NIPBL: variants seen among roughly 807,000 people sequenced by gnomAD.
NIPBL encodes nipped-B-like protein.
Under a neutral mutation model 321.8 loss-of-function variants are expected in NIPBL, and 19 were observed. The ratio of observed to expected loss-of-function variants is 0.06; its 90% CI spans 0.04 to 0.09. NIPBL has a LOEUF of 0.09. Among genes scored for constraint, NIPBL ranks in the 10% least tolerant of loss-of-function variants. NIPBL has a pLI of 1.00. For synonymous variants in NIPBL, 1,106 were observed against 1,114.1 expected (o/e 0.99, Z 0.14); for missense variants, 2,210 against 3,327.0 (o/e 0.66, Z 8.26).
At chr5:36,943,086 T>C (rs1039212023) in intron 1 of NIPBL, among the ~76,000 whole-genome samples, 8 of 152,166 alleles carry the variant, frequency 5.3e-5, no homozygotes, top group Admixed American at 3.3e-4. Flanking sequence ...TATTGTTTTT[T>C]CTCAAATATT....
chr5:36,888,104 TAC>T (rs1746053842), intron 1 of NIPBL, among the ~76,000 whole-genome samples: 1 of 152,176 alleles, frequency 6.6e-6, no homozygotes, highest in Non-Finnish European at 1.5e-5. Context: ...GTCCTGAACA[TAC>T]AGTTTTCTCA....
At chr5:36,920,993 A>G (rs7700441) in intron 1 of NIPBL, among the ~76,000 whole-genome samples, 25,993 of 151,928 alleles carry the variant, frequency 0.17, 2,576 homozygotes, top group African/African-American at 0.26. Flanking sequence ...ACTATAAATT[A>G]CATTTTACCA....
At chr5:36,969,562 A>C (rs1742624982) in intron 6 of NIPBL, among the ~76,000 whole-genome samples, 1 of 152,226 alleles carries the variant, frequency 6.6e-6, no homozygotes, top group Non-Finnish European at 1.5e-5. Flanking sequence ...GAAACAAGTA[A>C]CATTGGATCC....
chr5:36,889,541 A>T (rs1453380990), intron 1 of NIPBL, among the ~76,000 whole-genome samples: 1 of 152,136 alleles, frequency 6.6e-6, no homozygotes. Context: ...TCATATGAGG[A>T]TGTCTAAAAA....
At chr5:36,913,187 T>A (rs1158232953) in intron 1 of NIPBL, among the ~76,000 whole-genome samples, 2 of 152,120 alleles carry the variant, frequency 1.3e-5, no homozygotes, top group African/African-American at 4.8e-5. Flanking sequence ...ATAGTAACAA[T>A]GTTAAAATGT....
At chr5:36,934,808 C>G (rs1750035815) in intron 1 of NIPBL, among the ~76,000 whole-genome samples, 1 of 151,494 alleles carries the variant, frequency 6.6e-6, no homozygotes, top group African/African-American at 2.4e-5. Context: ...ATAGGTAGAC[C>G]TAAGTAGCTA....
rs576262170 is a variant in NIPBL at position 36,933,270 on chromosome 5, A to T, written c.-79-20348A>T. Reference sequence around the variant, plus strand: ...TGTTACGAGTTTCATGGTTACTTATAATAACCAGTTTCCTCATTACATAGT... The same window carrying T: ...TGTTACGAGTTTCATGGTTACTTATTATAACCAGTTTCCTCATTACATAGT... On this transcript the variant is annotated intron_variant, in intron 1 of 46. Coordinates refer to ENST00000282516, the MANE Select transcript of NIPBL (RefSeq NM_133433.4). 5.3e-5 allele frequency among the ~76,000 whole-genome samples: 8 copies of T among 152,262 alleles called. No individual in the cohort carries two copies. The South Asian group carries it at 1.7e-3, about 32-fold the overall frequency.
chr5:37,026,844 A>G (rs1750327247), intron 31 of NIPBL, among the ~76,000 whole-genome samples: 2 of 151,844 alleles, frequency 1.3e-5, no homozygotes, highest in Non-Finnish European at 2.9e-5. Flanking sequence ...AAGCTGCAGT[A>G]TACTGTAATC....
intron 32 of NIPBL, among the ~76,000 whole-genome samples, chr5:37,029,348 T>C (rs141107038): frequency 6.6e-6 from 1 of 152,360 alleles, no homozygotes; most frequent in Non-Finnish European, 1.5e-5. Context: ...TGTAATCTTG[T>C]GTTTGACTTT....
At chr5:36,912,501 A>G (rs933190716) in intron 1 of NIPBL, among the ~76,000 whole-genome samples, 17 of 136,878 alleles carry the variant, frequency 1.2e-4, no homozygotes, top group African/African-American at 4.0e-4. Context: ...TGTATTACTG[A>G]TTTTTTTTTT....
In NIPBL at chr5:37,051,838, T is replaced by A. The variant is rs750760089; in HGVS notation, c.7014T>A (p.Ala2338=). Residue 2338 remains alanine (A), a synonymous_variant, in exon 41 of 47, where the codon GCT becomes GCA. Transcript: ENST00000282516. ...TDPEPAMRNK[A]DQQLVEIDKK... ...CAGAACCTGCTATGCGGAACAAGGC[T>A]GATCAGCAACTTGTGGAAATAGACA... 3 of 1,614,136 alleles carry A rather than the reference T, an allele frequency of 1.9e-6. No individual in the cohort carries two copies. The highest frequency in any genetic ancestry group is 2.2e-5 in the East Asian group (1 of 44,868).
intron 1 of NIPBL, among the ~76,000 whole-genome samples, chr5:36,918,595 C>T (rs1039390191): frequency 2.6e-5 from 4 of 152,138 alleles, no homozygotes; most frequent in Non-Finnish European, 5.9e-5. Context: ...GCGTCCCTGT[C>T]TTGTGCCAGT....
rs191013400 is a variant in NIPBL at position 36,921,887 on chromosome 5, T to C, written c.-79-31731T>C. On this transcript the variant is annotated intron_variant, in intron 1 of 46. Transcript: ENST00000282516. The stretch of plus-strand genomic sequence containing the variant: ...AAAGTGTTTTTTTGGTTTTGGGTTT[T>C]TTTTGTTTTTTTTTTTTGAAACGAA... 3.5e-4 allele frequency among the ~76,000 whole-genome samples: 50 copies of C among 144,866 alleles called. 1 individual carries two copies. The East Asian group carries it at 9.0e-3, about 26-fold the overall frequency.
intron 24 of NIPBL, among the ~76,000 whole-genome samples, chr5:37,017,500 T>C (rs1206913842): frequency 6.6e-6 from 1 of 152,058 alleles, no homozygotes; most frequent in Non-Finnish European, 1.5e-5. Context: ...GATTGTTTTG[T>C]ACTTTTGAAT....
intron 33 of NIPBL, among the ~76,000 whole-genome samples, chr5:37,038,074 A>G (rs1356311194): frequency 6.7e-6 from 1 of 149,838 alleles, no homozygotes; most frequent in Non-Finnish European, 1.5e-5. Context: ...AATGCAGCCT[A>G]GAACTCCTGG....
At chr5:36,929,952 A>AT (rs1749656937) in intron 1 of NIPBL, among the ~76,000 whole-genome samples, 1 of 152,046 alleles carries the variant, frequency 6.6e-6, no homozygotes, top group Non-Finnish European at 1.5e-5. Flanking sequence ...ACCTGTCCTT[A>AT]TATTAATAGC....
At chr5:37,059,973 GA>G (rs1754492803) in intron 44 of NIPBL, among the ~76,000 whole-genome samples, 1 of 152,092 alleles carries the variant, frequency 6.6e-6, no homozygotes, top group African/African-American at 2.4e-5. Context: ...TACATTCATT[GA>G]AATCTAAGAT....
At chr5:36,944,938 A>C (rs1739499597) in intron 1 of NIPBL, among the ~76,000 whole-genome samples, 1 of 152,184 alleles carries the variant, frequency 6.6e-6, no homozygotes, top group African/African-American at 2.4e-5. Flanking sequence ...TTTAAAACCT[A>C]AACCTCATTT....
chr5:37,059,928 T>C (rs957774860), intron 44 of NIPBL, among the ~76,000 whole-genome samples: 4 of 152,222 alleles, frequency 2.6e-5, no homozygotes, highest in Non-Finnish European at 5.9e-5. Flanking sequence ...AGATACCTCT[T>C]TTCTGCCTGT....
Sources: allele counts gnomAD v4.1 joint callset (sites outside exome capture counted in the v4.1 genomes callset), GRCh38; gene constraint gnomAD v4.1.1; transcripts MANE v1.5; gene names NCBI Gene and HGNC (gene_info 2026-07-23, HGNC 2026-07-21).